The following MN1 variants were observed in gnomAD, a reference collection of about 807,000 sequenced individuals.
MN1 encodes MN1 proto-oncogene, transcriptional regulator, also known as transcriptional activator MN1.
In MN1, 19 loss-of-function variants were observed where a neutral mutation model predicts 86.9. The ratio of observed to expected loss-of-function variants is 0.22; its 90% confidence interval spans 0.15 to 0.32. The LOEUF (loss-of-function observed/expected upper bound fraction) is 0.32. Among genes scored for constraint, MN1 ranks in the 10% least tolerant of loss-of-function variants. The pLI, the probability that MN1 is intolerant of heterozygous loss-of-function variation, is 1.00. For synonymous variants in MN1, 928 were observed against 849.6 expected (o/e 1.09, Z -1.60); for missense variants, 1,841 against 1,862.0 (o/e 0.99, Z 0.21).
At chr22:27,778,196 G>A (rs1222130389) in intron 1 of MN1, among the ~76,000 whole-genome samples, 1 of 152,222 alleles carries the variant, frequency 6.6e-6, no homozygotes, top group Non-Finnish European at 1.5e-5. Flanking sequence ...AATCTAAGAA[G>A]TGGGTATATG....
At chr22:27,795,697 A>G (rs1933282088) in intron 1 of MN1, among the ~76,000 whole-genome samples, 1 of 149,310 alleles carries the variant, frequency 6.7e-6, no homozygotes, top group Non-Finnish European at 1.5e-5. Flanking sequence ...ATAGACACAC[A>G]TACCTATATA....
chr22:27,770,326 C>T (rs990936861), intron 1 of MN1, among the ~76,000 whole-genome samples: 1 of 152,232 alleles, frequency 6.6e-6, no homozygotes, highest in Non-Finnish European at 1.5e-5. Flanking sequence ...GTTTGAAAGG[C>T]AGCCATTTCC....
chr22:27,764,984 T>A (rs4822936), intron 1 of MN1, among the ~76,000 whole-genome samples: 1 of 152,042 alleles, frequency 6.6e-6, no homozygotes, highest in African/African-American at 2.4e-5. Flanking sequence ...TTTCCTAGAG[T>A]TGCATCAGAT....
chr22:27,797,186 C>A lies in MN1; in HGVS notation c.3358G>T (p.Gly1120Cys). Reference sequence around the variant, plus strand: ...CCCGGATGGCCCGGGCCCCCACCGCCGCCGTAGCTGTCAGGGGTCGAGGTA... The same window carrying A: ...CCCGGATGGCCCGGGCCCCCACCGCAGCCGTAGCTGTCAGGGGTCGAGGTA... ...NSTSTPDSYG[G>C]GGGPGHPGTP... The change falls in exon 1 of 2, where the codon GGC becomes TGC. Residue 1120 changes from glycine to cysteine, a missense_variant. Coordinates refer to ENST00000302326, the MANE Select transcript of MN1 (RefSeq NM_002430.3). The A allele has an allele frequency of 6.4e-7, 1 of 1,557,870 alleles. No individual in the cohort carries two copies. The highest frequency in any genetic ancestry group is 8.7e-7 in the Non-Finnish European group (1 of 1,155,794).
chr22:27,750,887 T>A lies in MN1; in HGVS notation c.*28A>T, dbSNP rs1299637563. The stretch of plus-strand genomic sequence containing the variant: ...AACAGACAGGGGGAGAGGAAGGGCC[T>A]GGTAGAGGAGGGGATCTTTCTTGTC... On this transcript the variant is annotated 3_prime_UTR_variant, in exon 2 of 2. Coordinates refer to ENST00000302326, the MANE Select transcript of MN1 (RefSeq NM_002430.3). 2 of 1,546,084 alleles carry A rather than the reference T, an allele frequency of 1.3e-6. No homozygotes were observed. Among genetic ancestry groups the A allele is most frequent in the African/African-American group, 2.7e-5 (2 of 73,418 alleles).
intron 1 of MN1, among the ~76,000 whole-genome samples, chr22:27,772,177 G>A (rs1932923151): frequency 6.6e-6 from 1 of 152,158 alleles, no homozygotes; most frequent in Non-Finnish European, 1.5e-5. Context: ...GGCATTCTCG[G>A]GCAGAGCACA....
chr22:27,756,370 C>T (rs550895461), intron 1 of MN1, among the ~76,000 whole-genome samples: 20 of 152,082 alleles, frequency 1.3e-4, no homozygotes, highest in Admixed American at 1.2e-3. Context: ...CGTGCTCAGG[C>T]GTCGTGAGCC....
chr22:27,795,514 TG>T (rs201393409), intron 1 of MN1, among the ~76,000 whole-genome samples: 121 of 151,438 alleles, frequency 8.0e-4, no homozygotes, highest in African/African-American at 2.5e-3. Context: ...AGAATTGCAC[TG>T]GGGGGGGACA....
chr22:27,752,768 G>A (rs1932776907), intron 1 of MN1, among the ~76,000 whole-genome samples: 1 of 152,200 alleles, frequency 6.6e-6, no homozygotes, highest in African/African-American at 2.4e-5. Flanking sequence ...ATGGGCTGAT[G>A]TTGAATTTCT....
intron 1 of MN1, among the ~76,000 whole-genome samples, chr22:27,781,119 A>T (rs1933048422): frequency 6.6e-6 from 1 of 152,010 alleles, no homozygotes; most frequent in African/African-American, 2.4e-5. Context: ...TTTTGTAGAG[A>T]CAGGGTCTCA....
Position 27,798,289 on chromosome 22 carries a change from C to A in MN1, c.2255G>T (p.Gly752Val). Residue 752 changes from glycine (G) to valine (V), a missense_variant, in exon 1 of 2, where the codon GGC (glycine) becomes GTC (valine). Physicochemically the swap from Gly to Val is moderately radical, Grantham distance 109. Coordinates refer to ENST00000302326, the MANE Select transcript of MN1 (RefSeq NM_002430.3). Reference protein sequence around the residue: ...GQPGFPFGAAGRQSTPHSGPG... With the variant: ...GQPGFPFGAAVRQSTPHSGPG... ...ACCGCTGTGCGGCGTGGACTGCCGGCCGGCTGCACCAAACGGAAAGCCCGG... is the reference window on the plus strand; with the variant it reads ...ACCGCTGTGCGGCGTGGACTGCCGGACGGCTGCACCAAACGGAAAGCCCGG... 2.6e-6 allele frequency: 4 copies of A among 1,524,628 alleles called. No individual in the cohort carries two copies. The highest frequency in any genetic ancestry group is 2.6e-6 in the Non-Finnish European group (3 of 1,146,410). 94.4% of individuals were successfully genotyped at this position (1,524,628 alleles called of 1,614,324 possible).
Position 27,796,949 on chromosome 22 carries a change from G to T in MN1, c.3595C>A (p.Leu1199Met). 1 of 1,612,300 alleles carries T rather than the reference G, an allele frequency of 6.2e-7. No homozygotes were observed. The highest frequency in any genetic ancestry group is 8.5e-7 in the Non-Finnish European group (1 of 1,179,788). ...ASGAQNGDSE[L>M]GSCCSEAVKS... ...ACCGCCTCGGAGCAGCAGCTGCCCAGCTCGCTGTCGCCATTCTGCGCCCCT... is the reference window on the plus strand; with the variant it reads ...ACCGCCTCGGAGCAGCAGCTGCCCATCTCGCTGTCGCCATTCTGCGCCCCT... The change falls in exon 1 of 2, where the codon CTG becomes ATG. Residue 1199 changes from leucine (L) to methionine (M), a missense_variant. Transcript: ENST00000302326.
intron 1 of MN1, among the ~76,000 whole-genome samples, chr22:27,792,128 TA>T (rs2146312521): frequency 6.6e-6 from 1 of 152,170 alleles, no homozygotes; most frequent in South Asian, 2.1e-4. Flanking sequence ...TCAGGAATCA[TA>T]GAATTTCCTT....
intron 1 of MN1, among the ~76,000 whole-genome samples, chr22:27,761,381 CTTAT>C (rs1304699498): frequency 2.0e-5 from 3 of 150,364 alleles, no homozygotes; most frequent in Admixed American, 1.3e-4. Context: ...TCTAGTTCTT[CTTAT>C]TTCTCTCTCT....
intron 1 of MN1, among the ~76,000 whole-genome samples, chr22:27,761,611 G>A (rs559554977): frequency 1.9e-3 from 293 of 152,298 alleles, no homozygotes; most frequent in South Asian, 8.7e-3. Context: ...GGCAGGGATG[G>A]GGGCACCTGG....
chr22:27,762,322 C>T (rs1324506358), intron 1 of MN1, among the ~76,000 whole-genome samples: 1 of 152,148 alleles, frequency 6.6e-6, no homozygotes, highest in African/African-American at 2.4e-5. Flanking sequence ...CCTCAATTTC[C>T]TCATCTATGA....
intron 1 of MN1, among the ~76,000 whole-genome samples, chr22:27,785,302 C>A (rs1933112081): frequency 2.0e-5 from 3 of 152,154 alleles, no homozygotes; most frequent in Admixed American, 6.5e-5. Context: ...TGGCCTCCGC[C>A]GTTCCTAACA....
intron 1 of MN1, among the ~76,000 whole-genome samples, chr22:27,767,476 C>A (rs1275817769): frequency 6.6e-6 from 1 of 152,040 alleles, no homozygotes; most frequent in East Asian, 1.9e-4. Flanking sequence ...TATTTTAGAC[C>A]CTACTGGTGT....
intron 1 of MN1, 52 bp downstream of exon 1, chr22:27,796,711 G>A: frequency 1.3e-6 from 2 of 1,521,728 alleles, no homozygotes. Flanking sequence ...GTCCTGCCCT[G>A]GGGATGGGGC....
Sources: gnomAD v4.1 joint callset for allele counts (sites outside exome capture counted in the v4.1 genomes callset) on GRCh38, gnomAD v4.1.1 for gene constraint, MANE v1.5 for transcripts, NCBI Gene and HGNC (gene_info 2026-07-23, HGNC 2026-07-21) for gene names.